AIFM3: variants seen among roughly 807,000 people sequenced by gnomAD.
AIFM3 encodes the protein apoptosis-inducing factor 3.
Under a neutral mutation model 82.7 loss-of-function variants are expected in AIFM3, and 71 were observed. The observed-to-expected ratio is 0.86, with a 90% confidence interval of 0.71 to 1.05. The LOEUF is 1.05. Among genes scored for constraint, AIFM3 ranks in the 50% least tolerant of loss-of-function variants. AIFM3 has a pLI of 0.00. For synonymous variants in AIFM3, 337 were observed against 329.1 expected (o/e 1.02, Z -0.26); for missense variants, 748 against 816.7 (o/e 0.92, Z 1.03).
rs533790548 is a variant in AIFM3 at position 20,979,415 on chromosome 22, G to A, written c.1576+46G>A. 45 of 1,528,202 alleles carry A rather than the reference G, an allele frequency of 2.9e-5. No individual in the cohort carries two copies. The African/African-American group carries it at 5.1e-4, about 17-fold the overall frequency. 94.7% of individuals were successfully genotyped at this position (1,528,202 alleles called of 1,614,324 possible). Reference sequence around the variant, plus strand: ...GGGGGCGGGGCCGAGGGCGTTTAGGGGCGGGGCTTGGGTGTGGGGCGGGGC... The same window carrying A: ...GGGGGCGGGGCCGAGGGCGTTTAGGAGCGGGGCTTGGGTGTGGGGCGGGGC... On this transcript the variant is annotated intron_variant, in intron 17 of 20. Coordinates refer to ENST00000440238, the MANE Select transcript of AIFM3 (RefSeq NM_001386814.1).
chr22:20,973,712 T>A (rs1452649407), intron 3 of AIFM3, 46 bp from the exon 4 acceptor site: 2 of 1,483,696 alleles, frequency 1.3e-6, no homozygotes, highest in Admixed American at 4.4e-5. Flanking sequence ...TGCCAGGAGG[T>A]TGTGCCTGGT....
At chr22:20,968,314 G>T (rs1923050768) in intron 2 of AIFM3, among the ~76,000 whole-genome samples, 1 of 152,188 alleles carries the variant, frequency 6.6e-6, no homozygotes, top group South Asian at 2.1e-4. Flanking sequence ...GGGAAGGGGG[G>T]AGCTGGGGAC....
At position 20,976,544 on chromosome 22, in the gene AIFM3, A is replaced by C. The variant is rs202225684; in HGVS notation, c.1030+6A>C. On this transcript the variant is annotated splice_donor_region_variant and intron_variant, in intron 11 of 20. Coordinates refer to ENST00000440238, the MANE Select transcript of AIFM3 (RefSeq NM_001386814.1). ...CGTGGGAGCCGGCTTCCTGGGTGAG[A>C]GGTAGTGGGCAGTGGAGATGGTGGT... The C allele has an allele frequency of 2.9e-4, 462 of 1,612,872 alleles. No homozygotes were observed. The highest frequency in any genetic ancestry group is 3.0e-4 in the Non-Finnish European group (357 of 1,179,986).
At chr22:20,979,997 G>A (rs770285153) in intron 18 of AIFM3, 23 bp from the exon 19 acceptor site, 2 of 1,605,256 alleles carry the variant, frequency 1.2e-6, no homozygotes, top group East Asian at 2.2e-5. Flanking sequence ...CAGTCCTCAG[G>A]CTTGGCCATC....
At chr22:20,977,135 G>A (rs1251287932) in intron 14 of AIFM3, 40 bp downstream of exon 14, 5 of 1,612,510 alleles carry the variant, frequency 3.1e-6, no homozygotes, top group Non-Finnish European at 4.2e-6. Context: ...AAGCAGCCCA[G>A]CCGTCTGCAC....
upstream of AIFM3, chr22:20,965,232 G>C (rs1023116842): frequency 2.6e-4 from 39 of 150,212 alleles, no homozygotes; most frequent in African/African-American, 9.0e-4. Flanking sequence ...CGGGGACCCT[G>C]GTCCCCGGAA....
chr22:20,974,279 G>A lies in AIFM3; in HGVS notation c.493G>A (p.Val165Ile), dbSNP rs56179977. The A allele has an allele frequency of 0.024, 38,218 of 1,613,724 alleles. 538 individuals are homozygous for A. The highest frequency in any genetic ancestry group is 0.029 in the Non-Finnish European group (33,774 of 1,179,974). The change falls in exon 6 of 21, where the codon GTC becomes ATC. Residue 165 changes from valine (V) to isoleucine (I), a missense_variant. Physicochemically the swap from Val to Ile is conservative, Grantham distance 29 (BLOSUM62 3). Around this residue, in one of 5 missense-constraint regions of AIFM3, gnomAD observed 393 missense variants for 481.1 expected, o/e 0.82. Transcript: ENST00000440238. ...GAAGATTGAGAAGGAGAAGGTGTAC[G>A]TCCGGGCCAGCAAGCAGGTGAGGGG... ...QVKIEKEKVY[V>I]RASKQALQLQ...
chr22:20,976,580 T>C (rs1362374348), intron 11 of AIFM3, 42 bp downstream of exon 11: 3 of 1,612,938 alleles, frequency 1.9e-6, no homozygotes, highest in Admixed American at 1.7e-5. Context: ...CAGGTCGTCA[T>C]GGCCAGTCCC....
Position 20,976,899 on chromosome 22 carries a change from G to A in AIFM3, c.1179G>A (p.Met393Ile). The A allele has an allele frequency of 1.9e-6, 3 of 1,607,850 alleles. No individual in the cohort carries two copies. Among genetic ancestry groups the A allele is most frequent in the Non-Finnish European group, 2.6e-6 (3 of 1,175,796 alleles). Residue 393 changes from methionine (M) to isoleucine (I), a missense_variant, in exon 13 of 21, where the codon ATG becomes ATA. This residue lies in a region of AIFM3 where 393 missense variants were observed against 481.1 expected (regional missense o/e 0.82). Transcript: ENST00000440238. ...AGAACAACCGGGTGAAGTTCTACAT[G>A]CAGACGGAGGTGTCTGAGCTGCGGG... ...MFENNRVKFYMQTEVSELRGQ... is the reference protein window; with the variant it reads ...MFENNRVKFYIQTEVSELRGQ...
At chr22:20,971,074 C>T (rs1429564261) in intron 2 of AIFM3, among the ~76,000 whole-genome samples, 1 of 152,180 alleles carries the variant, frequency 6.6e-6, no homozygotes, top group Non-Finnish European at 1.5e-5. Context: ...CATTAGACTG[C>T]ATCAGTGAGT....
chr22:20,976,265 C>T lies in AIFM3; in HGVS notation c.858C>T (p.Phe286=). The T allele has an allele frequency of 6.2e-7, 1 of 1,614,044 alleles. No individual in the cohort carries two copies. Among genetic ancestry groups the T allele is most frequent in the Non-Finnish European group, 8.5e-7 (1 of 1,180,006 alleles). Reference sequence around the variant, plus strand: ...AGAAGGTCGTGTTCAAGGATGGCTTCAAGCTGGAGTACAGCAAGCTGCTGC... The same window carrying T: ...AGAAGGTCGTGTTCAAGGATGGCTTTAAGCTGGAGTACAGCAAGCTGCTGC... The part of the protein sequence containing the change: ...RTKKVVFKDG[F]KLEYSKLLLA... Residue 286 remains phenylalanine (F), a synonymous_variant, in exon 10 of 21, where the codon TTC becomes TTT. Transcript: ENST00000440238.
intron 2 of AIFM3, 137 bp from the exon 3 acceptor site, chr22:20,973,170 C>T: frequency 1.0e-6 from 1 of 986,756 alleles, no homozygotes; most frequent in South Asian, 1.6e-5. Context: ...GCTGGTGGTG[C>T]AGAGGGAATT....
chr22:20,972,202 C>T lies in AIFM3; in HGVS notation c.32-1105C>T, dbSNP rs186579048. On this transcript the variant is annotated intron_variant, in intron 2 of 20. Transcript: ENST00000440238. ...GGTGGATCACCTGAGGTCAGGAGTT[C>T]GAGACCAGCCTGACCAACATGGAGC... Among the ~76,000 whole-genome samples the T allele has an allele frequency of 1.3e-3, 190 of 151,956 alleles. 1 individual carries two copies. Among genetic ancestry groups the T allele is most frequent in the Admixed American group, 3.5e-3 (53 of 15,286 alleles).
At chr22:20,968,224 C>G (rs1381571320) in intron 2 of AIFM3, among the ~76,000 whole-genome samples, 1 of 152,166 alleles carries the variant, frequency 6.6e-6, no homozygotes, top group Non-Finnish European at 1.5e-5. Flanking sequence ...GTGGGAATAA[C>G]AGCAGGACCC....
intron 2 of AIFM3, 75 bp downstream of exon 2, chr22:20,968,050 C>A (rs566584544): frequency 3.4e-6 from 5 of 1,478,580 alleles, no homozygotes; most frequent in South Asian, 2.6e-5. Context: ...CCCCCCTCCC[C>A]CTCTGCACTC....
chr22:20,966,258 GGCTGA>G (rs1470510636), upstream of AIFM3, among the ~76,000 whole-genome samples: 1 of 151,616 alleles, frequency 6.6e-6, no homozygotes, highest in African/African-American at 2.4e-5. Flanking sequence ...GCTGAACCAG[GGCTGA>G]AACCAGGACC....
chr22:20,977,422 G>A (rs966295106), intron 14 of AIFM3: 2 of 601,722 alleles, frequency 3.3e-6, no homozygotes, highest in African/African-American at 3.7e-5. Context: ...GATGGGAGGT[G>A]GTAGCACCTG....
Position 20,979,697 on chromosome 22 carries a change from C to T in AIFM3, c.1647C>T (p.Tyr549=). The change falls in exon 18 of 21, where the codon TAC becomes TAT. Residue 549 remains tyrosine, a synonymous_variant. Transcript: ENST00000440238. ...AGGAGCTGAAGTTTGTGGCTTTTTA[C>T]ACTAAGTGAGAGCACCGGGGTGCAG... ...DLEELKFVAF[Y]TKGDEVIAVA... 1 of 1,614,212 alleles carries T rather than the reference C, an allele frequency of 6.2e-7. No individual in the cohort carries two copies. The highest frequency in any genetic ancestry group is 8.5e-7 in the Non-Finnish European group (1 of 1,180,038).
intron 9 of AIFM3, among the ~76,000 whole-genome samples, 195 bp from the exon 10 acceptor site, chr22:20,976,020 T>C (rs988368515): frequency 1.3e-5 from 2 of 152,150 alleles, no homozygotes; most frequent in African/African-American, 4.8e-5. Flanking sequence ...CTGGTGGGAC[T>C]TGGGAGGGTA....
Sources: allele counts gnomAD v4.1 joint callset (sites outside exome capture counted in the v4.1 genomes callset), GRCh38; gene constraint gnomAD v4.1.1; regional missense constraint gnomAD v4.1.1; transcripts MANE v1.5; gene names NCBI Gene and HGNC (gene_info 2026-07-23, HGNC 2026-07-21).